The following OIP5 variants were observed in gnomAD, a reference collection of about 807,000 sequenced individuals.
The protein encoded by OIP5 is protein Mis18-beta.
In OIP5, 24 loss-of-function variants were observed where a neutral mutation model predicts 20.3. The ratio of observed to expected loss-of-function variants is 1.18; its 90% confidence interval spans 0.86 to 1.66. The LOEUF (loss-of-function observed/expected upper bound fraction) is 1.66, where lower values mean the gene tolerates loss of function less well. Ranked by LOEUF, OIP5 falls within the 40% of genes most tolerant of loss-of-function variation. The pLI, the probability that OIP5 is intolerant of heterozygous loss-of-function variation, is 0.00. For missense variants in OIP5, 339 were observed against 289.5 expected (o/e 1.17, Z -1.24); for synonymous variants, 143 against 121.3 (o/e 1.18, Z -1.17).
chr15:41,332,176 G>T, intron 1 of OIP5, 64 bp downstream of exon 1: 1 of 1,493,792 alleles, frequency 6.7e-7, no homozygotes, highest in Non-Finnish European at 9.0e-7. Context: ...GCCACCCGGT[G>T]GAGAAAGCGG....
intron 4 of OIP5, among the ~76,000 whole-genome samples, chr15:41,312,954 C>T (rs1379924215): frequency 6.6e-6 from 1 of 152,130 alleles, no homozygotes; most frequent in Non-Finnish European, 1.5e-5. Context: ...TGTTTCATCA[C>T]TCTTATGTCT....
At chr15:41,330,704 G>A (rs140587994) in intron 2 of OIP5, among the ~76,000 whole-genome samples, 6 of 152,212 alleles carry the variant, frequency 3.9e-5, no homozygotes, top group East Asian at 1.9e-4. Context: ...CGCCCGGCCC[G>A]TAATCAGTAT....
At chr15:41,330,682 T>C (rs112241976) in intron 2 of OIP5, among the ~76,000 whole-genome samples, 86 of 152,020 alleles carry the variant, frequency 5.7e-4, no homozygotes, top group African/African-American at 1.8e-3. Context: ...TGATTACAGG[T>C]GTGAGCCACC....
At chr15:41,316,529 C>T (rs2047789471) in intron 3 of OIP5, among the ~76,000 whole-genome samples, 1 of 152,048 alleles carries the variant, frequency 6.6e-6, no homozygotes, top group Non-Finnish European at 1.5e-5. Flanking sequence ...GTGGCTCATG[C>T]CTGTAATCCC....
At chr15:41,330,654 C>A (rs971655862) in intron 2 of OIP5, among the ~76,000 whole-genome samples, 1 of 151,656 alleles carries the variant, frequency 6.6e-6, no homozygotes, top group African/African-American at 2.4e-5. Context: ...CCGCCCGCCT[C>A]GGCCTCCCAA....
intron 2 of OIP5, among the ~76,000 whole-genome samples, chr15:41,321,965 C>T (rs963459405): frequency 8.6e-5 from 13 of 151,508 alleles, no homozygotes; most frequent in South Asian, 2.1e-4. Flanking sequence ...GAAAAAAATG[C>T]GCAGACTAAA....
At chr15:41,313,679 T>C (rs2047773005) in intron 3 of OIP5, among the ~76,000 whole-genome samples, 1 of 152,186 alleles carries the variant, frequency 6.6e-6, no homozygotes, top group African/African-American at 2.4e-5. Context: ...GTACATAGCA[T>C]TTACATTACG....
At chr15:41,321,419 G>C (rs2047827159) in intron 2 of OIP5, among the ~76,000 whole-genome samples, 1 of 152,256 alleles carries the variant, frequency 6.6e-6, no homozygotes, top group South Asian at 2.1e-4. Flanking sequence ...CTGTCTGGGA[G>C]GTGTACCCAA....
At chr15:41,330,010 A>C (rs1024381924) in intron 2 of OIP5, among the ~76,000 whole-genome samples, 5 of 152,102 alleles carry the variant, frequency 3.3e-5, no homozygotes, top group Admixed American at 2.6e-4. Context: ...TTTTGCTTTA[A>C]AAAATAAAAT....
intron 2 of OIP5, among the ~76,000 whole-genome samples, chr15:41,320,858 C>T (rs1293946138): frequency 5.3e-5 from 8 of 151,844 alleles, no homozygotes; most frequent in Non-Finnish European, 1.0e-4. Context: ...TCCCGGCCGC[C>T]ATCCCATCTA....
At chr15:41,320,173 C>G (rs539694387) in intron 2 of OIP5, among the ~76,000 whole-genome samples, 1 of 152,102 alleles carries the variant, frequency 6.6e-6, no homozygotes, top group African/African-American at 2.4e-5. Flanking sequence ...TGACTGGGGC[C>G]TTACTAAACA....
At position 41,319,754 on chromosome 15, in the gene OIP5, G is replaced by A. The variant is rs2047811361; in HGVS notation, c.416C>T (p.Ser139Phe). The A allele has an allele frequency of 6.2e-7, 1 of 1,613,308 alleles. No individual in the cohort carries two copies. Among genetic ancestry groups the A allele is most frequent in the African/African-American group, 1.3e-5 (1 of 74,994 alleles). Residue 139 changes from serine (S) to phenylalanine (F), a missense_variant, in exon 3 of 5, where the codon TCT becomes TTT. Coordinates refer to ENST00000220514, the MANE Select transcript of OIP5 (RefSeq NM_007280.2). The part of the protein sequence containing the change: ...GSTYNLLFCG[S>F]CGIPVGFHLY... ...ATGGAAACCAACGGGAATCCCACAA[G>A]AACCACAGAATAAAAGGTTGTAAGT...
At chr15:41,315,206 G>GA (rs986915090) in intron 3 of OIP5, among the ~76,000 whole-genome samples, 8 of 151,912 alleles carry the variant, frequency 5.3e-5, no homozygotes, top group Non-Finnish European at 8.8e-5. Flanking sequence ...GAGGCGGGGG[G>GA]ATCACCTGAG....
chr15:41,321,351 C>T (rs546182906), intron 2 of OIP5, among the ~76,000 whole-genome samples: 94 of 151,770 alleles, frequency 6.2e-4, no homozygotes, highest in Non-Finnish European at 1.2e-3. Flanking sequence ...AGGTGATGGG[C>T]GCCTCTGCCC....
chr15:41,317,821 G>A (rs1215482803), intron 3 of OIP5, among the ~76,000 whole-genome samples: 1 of 152,160 alleles, frequency 6.6e-6, no homozygotes, highest in Non-Finnish European at 1.5e-5. Context: ...TAGGACTACA[G>A]GCATACACCA....
At chr15:41,312,482 C>T (rs1373637712) in intron 4 of OIP5, among the ~76,000 whole-genome samples, 2 of 151,744 alleles carry the variant, frequency 1.3e-5, no homozygotes, top group Admixed American at 6.6e-5. Context: ...TTTTTTGAGA[C>T]GCAGTCTCGC....
At chr15:41,320,663 C>T (rs2047817722) in intron 2 of OIP5, among the ~76,000 whole-genome samples, 1 of 152,176 alleles carries the variant, frequency 6.6e-6, no homozygotes. Flanking sequence ...CCTGCCTTGG[C>T]CTCCCAAAGT....
At chr15:41,316,642 T>G (rs982114142) in intron 3 of OIP5, among the ~76,000 whole-genome samples, 3 of 151,450 alleles carry the variant, frequency 2.0e-5, no homozygotes, top group Non-Finnish European at 1.5e-5. Context: ...TACAAAAAAT[T>G]AGCCAAGCGT....
At chr15:41,326,259 A>T (rs147052092) in intron 2 of OIP5, among the ~76,000 whole-genome samples, 10 of 152,354 alleles carry the variant, frequency 6.6e-5, no homozygotes, top group Middle Eastern at 3.4e-3. Context: ...GAAAATTGCA[A>T]TAAGTTCAGA....
Sources: gnomAD v4.1 joint callset for allele counts (sites outside exome capture counted in the v4.1 genomes callset) on GRCh38, gnomAD v4.1.1 for gene constraint, MANE v1.5 for transcripts, NCBI Gene and HGNC (gene_info 2026-07-23, HGNC 2026-07-21) for gene names.